TPD52L1: variants seen among roughly 807,000 people sequenced by gnomAD.
TPD52L1 encodes TPD52 like 1, also known as tumor protein D53.
A neutral mutation model predicts 28.7 loss-of-function variants in TPD52L1; 18 were observed. That is an observed-to-expected ratio of 0.63 (90% CI 0.43 to 0.93). The LOEUF is 0.93. TPD52L1 is among the 40% of genes least tolerant of loss of function. TPD52L1 has a pLI of 0.00. For missense variants in TPD52L1, 203 were observed against 254.8 expected (o/e 0.80, Z 1.39); for synonymous variants, 75 against 88.8 (o/e 0.84, Z 0.88).
At chr6:125,165,757 A>G (rs1020769167) in intron 1 of TPD52L1, among the ~76,000 whole-genome samples, 1 of 152,168 alleles carries the variant, frequency 6.6e-6, no homozygotes, top group Non-Finnish European at 1.5e-5. Context: ...GCGTCTTGTC[A>G]AGGATCATGG....
In TPD52L1 at chr6:125,251,426, T is replaced by TAAAATCTGTAAAAGGCC. The variant is rs527624635; in HGVS notation, c.387-2287_387-2286insTCTGTAAAAGGCCAAAA. ...TCCAAATTAATATTTACAGATTTTG[T>TAAAATCTGTAAAAGGCC]AAAACCTAGAATTTGGGCCTTTTAA... On this transcript the variant is annotated intron_variant, in intron 4 of 6. Transcript: ENST00000534000. 7.1e-3 allele frequency among the ~76,000 whole-genome samples: 1,087 copies of TAAAATCTGTAAAAGGCC among 152,264 alleles called. 15 individuals carry two copies. The highest frequency in any genetic ancestry group is 0.025 in the African/African-American group (1,033 of 41,554).
intron 3 of TPD52L1, among the ~76,000 whole-genome samples, chr6:125,240,652 T>C (rs188585834): frequency 6.6e-6 from 1 of 152,298 alleles, no homozygotes; most frequent in East Asian, 1.9e-4. Flanking sequence ...ACAGCAGTGC[T>C]ACTGATTTGT....
chr6:125,156,404 T>C (rs1196450392), intron 1 of TPD52L1, among the ~76,000 whole-genome samples: 4 of 142,380 alleles, frequency 2.8e-5, no homozygotes, highest in African/African-American at 7.9e-5. Context: ...AGTTTGTGGC[T>C]ACAGTGAGCC....
chr6:125,253,560 C>G (rs576269784), intron 4 of TPD52L1, 157 bp from the exon 5 acceptor site: 2 of 674,422 alleles, frequency 3.0e-6, no homozygotes, highest in Admixed American at 2.6e-5. Flanking sequence ...ACCCATTATA[C>G]CCAACAAAAA....
intron 4 of TPD52L1, 97 bp from the exon 5 acceptor site, chr6:125,253,620 T>C (rs1275828791): frequency 1.2e-5 from 13 of 1,086,290 alleles, no homozygotes; most frequent in East Asian, 4.7e-5. Context: ...ATATTTGGAA[T>C]TGCTGTTTTA....
chr6:125,235,304 T>C (rs1796198020), intron 3 of TPD52L1, among the ~76,000 whole-genome samples: 1 of 151,980 alleles, frequency 6.6e-6, no homozygotes, highest in Non-Finnish European at 1.5e-5. Flanking sequence ...TACCATTTGC[T>C]TAGACCAGGC....
chr6:125,243,579 G>A (rs1024487979), intron 3 of TPD52L1, among the ~76,000 whole-genome samples: 2 of 151,836 alleles, frequency 1.3e-5, no homozygotes, highest in Non-Finnish European at 2.9e-5. Context: ...ACTTGTTCTA[G>A]TCTATTGTTG....
intron 1 of TPD52L1, chr6:125,154,660 G>A: frequency 2.7e-6 from 1 of 372,308 alleles, no homozygotes; most frequent in Non-Finnish European, 3.7e-6. Context: ...AGGAAGGGCG[G>A]CCTCATATCT....
intron 5 of TPD52L1, among the ~76,000 whole-genome samples, chr6:125,255,676 AC>A (rs1797553756): frequency 6.6e-6 from 1 of 151,828 alleles, no homozygotes; most frequent in Non-Finnish European, 1.5e-5. Flanking sequence ...ACATAATGAA[AC>A]CTATATTCTA....
chr6:125,192,924 AATT>A (rs1185131168), intron 1 of TPD52L1, among the ~76,000 whole-genome samples: 1 of 152,224 alleles, frequency 6.6e-6, no homozygotes, highest in Non-Finnish European at 1.5e-5. Context: ...GCAAACATTT[AATT>A]ATAAGGGCTG....
At chr6:125,174,779 G>C (rs186283826) in intron 1 of TPD52L1, among the ~76,000 whole-genome samples, 3 of 152,160 alleles carry the variant, frequency 2.0e-5, no homozygotes, top group Admixed American at 6.5e-5. Context: ...TCCTATTTCC[G>C]GTCTCTTGTG....
chr6:125,172,080 C>CTCTT lies in TPD52L1; in HGVS notation c.19+18125_19+18128dup, dbSNP rs140483517. Among the ~76,000 whole-genome samples, 417 of 92,232 alleles carry CTCTT rather than the reference C, an allele frequency of 4.5e-3. 23 individuals are homozygous for CTCTT. The highest frequency in any genetic ancestry group is 0.017 in the African/African-American group (264 of 15,990). 60.5% of individuals were successfully genotyped at this position (92,232 alleles called of 152,430 possible). ...CTTTCTCTTCTTTCTTTCTTTCTTTCTCTTTCTTTCTTTCTTTCCCTTTCT... is the reference window on the plus strand; with the variant it reads ...CTTTCTCTTCTTTCTTTCTTTCTTTCTCTTTCTTTCTTTCTTTCTTTCCCTTTCT... On this transcript the variant is annotated intron_variant, in intron 1 of 6. Transcript: ENST00000534000.
At chr6:125,251,469 T>C (rs1377207872) in intron 4 of TPD52L1, among the ~76,000 whole-genome samples, 2 of 152,142 alleles carry the variant, frequency 1.3e-5, no homozygotes, top group Admixed American at 6.6e-5. Context: ...AAAAAAAGCT[T>C]TATGTTAAGA....
chr6:125,196,945 A>G (rs1793483873), intron 1 of TPD52L1, among the ~76,000 whole-genome samples: 1 of 152,250 alleles, frequency 6.6e-6, no homozygotes, highest in South Asian at 2.1e-4. Context: ...AGAAAATAAA[A>G]GAAAAACTAC....
intron 5 of TPD52L1, among the ~76,000 whole-genome samples, chr6:125,256,376 CA>C (rs1369021945): frequency 5.3e-5 from 8 of 152,142 alleles, no homozygotes; most frequent in Middle Eastern, 3.4e-3. Context: ...CATTAGGCTG[CA>C]AAGGTTCTAT....
At position 125,216,527 on chromosome 6, in the gene TPD52L1, GTGTATATATATATA is replaced by G. The variant is rs1183110520; in HGVS notation, c.20-3549_20-3536del. On this transcript the variant is annotated intron_variant, in intron 1 of 6. Coordinates refer to ENST00000534000, the MANE Select transcript of TPD52L1 (RefSeq NM_003287.4). ...TTGCAACAGTAAATTCAGTATGTGT[GTGTATATATATATA>G]TATATATATATATATATATATATAT... Among the ~76,000 whole-genome samples the G allele has an allele frequency of 8.4e-3, 338 of 40,184 alleles. 8 individuals carry two copies. The highest frequency in any genetic ancestry group is 0.023 in the African/African-American group (324 of 14,062). 26.4% of individuals were successfully genotyped at this position (40,184 alleles called of 152,430 possible).
chr6:125,168,916 T>G (rs1031476890), intron 1 of TPD52L1, among the ~76,000 whole-genome samples: 10 of 152,200 alleles, frequency 6.6e-5, no homozygotes, highest in African/African-American at 2.4e-4. Flanking sequence ...ATATAATAGC[T>G]TTGAATTTGG....
At chr6:125,215,077 AG>A (rs1471851475) in intron 1 of TPD52L1, among the ~76,000 whole-genome samples, 4 of 152,220 alleles carry the variant, frequency 2.6e-5, no homozygotes, top group African/African-American at 9.6e-5. Flanking sequence ...ACTTGCTAAA[AG>A]TGGTGACTTG....
chr6:125,162,960 G>T (rs1277446905), intron 1 of TPD52L1, among the ~76,000 whole-genome samples: 1 of 152,194 alleles, frequency 6.6e-6, no homozygotes, highest in East Asian at 1.9e-4. Context: ...AAAATTAAAT[G>T]AAGAAGACAG....
Sources: gnomAD v4.1 joint callset for allele counts (sites outside exome capture counted in the v4.1 genomes callset) on GRCh38, gnomAD v4.1.1 for gene constraint, MANE v1.5 for transcripts, NCBI Gene and HGNC (gene_info 2026-07-23, HGNC 2026-07-21) for gene names.